CAPNS1: variants seen among roughly 807,000 people sequenced by gnomAD.
CAPNS1 encodes calpain small subunit 1, also known as CANP small subunit.
In CAPNS1, 32 loss-of-function variants were observed where a neutral mutation model predicts 39.2. The ratio of observed to expected loss-of-function variants is 0.82; its 90% CI spans 0.62 to 1.10. The LOEUF is 1.10. Ranked by LOEUF, CAPNS1 falls within the 50% of genes least tolerant of loss-of-function variation. CAPNS1 has a pLI of 0.00. For synonymous variants in CAPNS1, 153 were observed against 136.2 expected (o/e 1.12, Z -0.86); for missense variants, 353 against 373.1 (o/e 0.95, Z 0.44).
chr19:36,147,388 G>A (rs147978895), intron 9 of CAPNS1, among the ~76,000 whole-genome samples: 2 of 152,306 alleles, frequency 1.3e-5, no homozygotes, highest in East Asian at 3.9e-4. Context: ...AAGTTTGGGG[G>A]TGCTCAAACT....
intron 4 of CAPNS1, 29 bp from the exon 5 acceptor site, chr19:36,142,880 C>T (rs757838403): frequency 5.6e-6 from 9 of 1,613,558 alleles, no homozygotes; most frequent in Middle Eastern, 1.6e-4. Flanking sequence ...TTCAGTCACC[C>T]CTGACCTGCC....
Position 36,143,103 on chromosome 19 carries a change from G to A in CAPNS1, c.431G>A (p.Cys144Tyr). ...LKTDGFGIDT[C>Y]RSMVAVMDSD... ...ACTGATGGTTTTGGCATTGACACAT[G>A]TCGCAGCATGGTGGCCGTGATGGAT... The change falls in exon 6 of 11, where the codon TGT becomes TAT. Residue 144 changes from cysteine to tyrosine, a missense_variant. Transcript: ENST00000246533. 6.2e-7 allele frequency: 1 copy of A among 1,614,208 alleles called. No individual in the cohort carries two copies. The highest frequency in any genetic ancestry group is 8.5e-7 in the Non-Finnish European group (1 of 1,180,036).
intron 2 of CAPNS1, chr19:36,141,652 G>A (rs1327718946): frequency 2.0e-6 from 2 of 989,202 alleles, no homozygotes; most frequent in Admixed American, 5.6e-5. Flanking sequence ...TTAATGAGGA[G>A]GTGAGCCCAG....
chr19:36,142,994 T>C, intron 5 of CAPNS1, 28 bp downstream of exon 5: 1 of 1,613,834 alleles, frequency 6.2e-7, no homozygotes, highest in Non-Finnish European at 8.5e-7. Context: ...AGGAATAGGG[T>C]AGATTCAGAG....
At position 36,142,902 on chromosome 19, in the gene CAPNS1, C is replaced by T. The variant is rs1974430909; in HGVS notation, c.334-7C>T. On this transcript the variant is annotated splice_polypyrimidine_tract_variant and splice_region_variant and intron_variant, in intron 4 of 10. Coordinates refer to ENST00000246533, the MANE Select transcript of CAPNS1 (RefSeq NM_001749.4). ...ACCCCTGACCTGCCCCTAACTTCCG[C>T]CCGCAGGACATGGAGGTCAGCGCCA... 1 of 1,614,206 alleles carries T rather than the reference C, an allele frequency of 6.2e-7. No individual in the cohort carries two copies. The highest frequency in any genetic ancestry group is 1.7e-5 in the Admixed American group (1 of 60,032).
At position 36,140,948 on chromosome 19, in the gene CAPNS1, G is replaced by A. The variant is rs375584637; in HGVS notation, c.-15-49G>A. 4.0e-5 allele frequency: 63 copies of A among 1,587,450 alleles called. No individual in the cohort carries two copies. In the African/African-American group the frequency reaches 6.8e-4, roughly 17 times the overall value. ...CCGGAAATGCGTGTTTGAAGGGAGG[G>A]TGTGGGCTCAGGGGCGAAGCACCCA... On this transcript the variant is annotated intron_variant, in intron 1 of 10. Coordinates refer to ENST00000246533, the MANE Select transcript of CAPNS1 (RefSeq NM_001749.4).
chr19:36,148,892 G>A (rs1004308111), intron 9 of CAPNS1, among the ~76,000 whole-genome samples: 1 of 152,136 alleles, frequency 6.6e-6, no homozygotes, highest in African/African-American at 2.4e-5. Context: ...GTAACTGAGC[G>A]GAGATAGTGT....
intron 9 of CAPNS1, among the ~76,000 whole-genome samples, chr19:36,148,591 A>C (rs549050941): frequency 6.6e-6 from 1 of 151,124 alleles, no homozygotes; most frequent in Non-Finnish European, 1.5e-5. Context: ...TGGGCGGATC[A>C]CCTGATGTCA....
intron 10 of CAPNS1, 75 bp downstream of exon 10, chr19:36,149,711 G>A (rs1230612201): frequency 1.9e-6 from 3 of 1,592,220 alleles, no homozygotes; most frequent in Non-Finnish European, 2.6e-6. Context: ...GCTCTGAGCT[G>A]CAGTCCCCTT....
At position 36,141,281 on chromosome 19, in the gene CAPNS1, G is replaced by C. The variant is rs962561547; in HGVS notation, c.209+61G>C. 3.4e-6 allele frequency: 5 copies of C among 1,465,276 alleles called. No homozygotes were observed. The African/African-American group carries it at 7.4e-5, about 22-fold the overall frequency. The allele number at this position is 1,465,276 out of a possible 1,614,324, so 90.8% of individuals were successfully genotyped here. ...AATGGGAGGAGCCTCAGTGAGGCGT[G>C]GTCTGGGAGGGGCGTGGTCTAAAAA... On this transcript the variant is annotated intron_variant, in intron 2 of 10. Transcript: ENST00000246533.
intron 7 of CAPNS1, 35 bp downstream of exon 7, chr19:36,145,909 A>G: frequency 6.2e-7 from 1 of 1,612,636 alleles, no homozygotes; most frequent in African/African-American, 1.3e-5. Context: ...TGGCACCCAG[A>G]CCCCCAAGCC....
At position 36,146,305 on chromosome 19, in the gene CAPNS1, C is replaced by G. The variant is rs772216282; in HGVS notation, c.714C>G (p.Ala238=). 90 of 1,608,970 alleles carry G rather than the reference C, an allele frequency of 5.6e-5. No individual in the cohort carries two copies. Among genetic ancestry groups the G allele is most frequent in the Non-Finnish European group, 7.4e-5 (87 of 1,175,532 alleles). Residue 238 remains alanine (A), a synonymous_variant, in exon 9 of 11, where the codon GCC becomes GCG. Transcript: ENST00000246533. The part of the protein sequence containing the change: ...NFISCLVRLD[A]MFRAFKSLDK... ...TCAGCTGCTTGGTCAGGCTGGACGC[C>G]ATGTTCCGTGAGTGACAACCCAGCT...
chr19:36,146,387 G>C, intron 9 of CAPNS1, 75 bp downstream of exon 9: 3 of 943,352 alleles, frequency 3.2e-6, no homozygotes, highest in Non-Finnish European at 5.2e-6. Context: ...CTCTAAGCCT[G>C]ACTTTGAGGT....
intron 9 of CAPNS1, among the ~76,000 whole-genome samples, chr19:36,147,847 C>T (rs1361322489): frequency 4.0e-5 from 6 of 151,564 alleles, no homozygotes; most frequent in Admixed American, 2.6e-4. Flanking sequence ...CTGAGGTGGG[C>T]GTAAAACCTG....
Position 36,150,252 on chromosome 19 carries a change from C to CT in CAPNS1, c.*413_*414insT, listed in dbSNP as rs1974731017. 1 of 175,710 alleles carries CT rather than the reference C, an allele frequency of 5.7e-6. No individual in the cohort carries two copies. Among genetic ancestry groups the CT allele is most frequent in the Non-Finnish European group, 1.2e-5 (1 of 84,228 alleles). 10.9% of individuals were successfully genotyped at this position (175,710 alleles called of 1,614,324 possible). On this transcript the variant is annotated 3_prime_UTR_variant, in exon 11 of 11. Coordinates refer to ENST00000246533, the MANE Select transcript of CAPNS1 (RefSeq NM_001749.4). ...GGTTGCTACCCAGGCGGCCAAGCTC[C>CT]AGACCGTGCCAGACCCAGGTGCCCC...
chr19:36,144,843 G>A (rs971715040), intron 6 of CAPNS1, among the ~76,000 whole-genome samples: 6 of 152,244 alleles, frequency 3.9e-5, no homozygotes, highest in Non-Finnish European at 7.3e-5. Context: ...AAATGGGTGA[G>A]TGATAATGGT....
In CAPNS1 at chr19:36,142,736, G is replaced by A; in HGVS notation, c.328G>A (p.Gly110Arg). The A allele has an allele frequency of 6.2e-7, 1 of 1,613,894 alleles. No individual in the cohort carries two copies. ...CCGGAGACTCTTTGCCCAGCTGGCT[G>A]GAGATGTAAGTAACCTGGGGTCCCT... is the stretch of plus-strand genomic sequence containing the variant. ...QFRRLFAQLA[G>R]DDMEVSATEL... Residue 110 changes from glycine to arginine, a missense_variant, in exon 4 of 11, where the codon GGA (glycine) becomes AGA (arginine). Transcript: ENST00000246533.
chr19:36,145,756 A>G lies in CAPNS1; in HGVS notation c.457-50A>G, dbSNP rs1974539580. 3.4e-6 allele frequency: 5 copies of G among 1,457,330 alleles called. No individual in the cohort carries two copies. In the East Asian group the frequency reaches 1.1e-4, roughly 33 times the overall value. The allele number at this position is 1,457,330 out of a possible 1,614,324, so 90.3% of individuals were successfully genotyped here. ...CACCATCGTGTCCACAGTGCATGTG[A>G]TGCATGCATCTGGGTGTAGCTGTCA... On this transcript the variant is annotated intron_variant, in intron 6 of 10. Transcript: ENST00000246533.
chr19:36,146,004 G>A lies in CAPNS1; in HGVS notation c.554G>A (p.Arg185Gln), dbSNP rs1265930074. ...QAIYKQFDTD[R>Q]SGTICSSELP... ...ATATACAAACAGTTCGACACTGACC[G>A]ATCAGGGACCATTTGCAGTAGTGAA... The change falls in exon 8 of 11, where the codon CGA (arginine) becomes CAA (glutamine). Residue 185 changes from arginine to glutamine, a missense_variant. Coordinates refer to ENST00000246533, the MANE Select transcript of CAPNS1 (RefSeq NM_001749.4). The A allele has an allele frequency of 6.2e-6, 10 of 1,614,172 alleles. No individual in the cohort carries two copies. Among genetic ancestry groups the A allele is most frequent in the Admixed American group, 3.3e-5 (2 of 60,028 alleles).
Sources: gnomAD v4.1 joint callset for allele counts (sites outside exome capture counted in the v4.1 genomes callset) on GRCh38, gnomAD v4.1.1 for gene constraint, MANE v1.5 for transcripts, NCBI Gene and HGNC (gene_info 2026-07-23, HGNC 2026-07-21) for gene names.